The following BLTP1 variants were observed in gnomAD, a reference collection of about 807,000 sequenced individuals.
BLTP1 encodes the protein fragile site-associated protein.
the BLTP1 span, among the ~76,000 whole-genome samples, chr4:122,357,416 A>T: frequency 1.3e-3 from 196 of 152,082 alleles, 1 homozygote; most frequent in African/African-American, 4.6e-3. Flanking sequence ...TACAAAAATT[A>T]GCCAGGTGTG....
chr4:122,303,471 G>T, the BLTP1 span, among the ~76,000 whole-genome samples: 2 of 152,200 alleles, frequency 1.3e-5, no homozygotes, highest in African/African-American at 4.8e-5. Flanking sequence ...CAACTTTCAA[G>T]TGTATGATTT....
chr4:122,262,963 G>A, the BLTP1 span: 15 of 1,613,782 alleles, frequency 9.3e-6, no homozygotes, highest in Middle Eastern at 1.7e-4. Flanking sequence ...GCTGTGAAAA[G>A]TAGCTCCCTA....
chr4:122,247,355 C>G, the BLTP1 span: 1 of 1,612,998 alleles, frequency 6.2e-7, no homozygotes, highest in Non-Finnish European at 8.5e-7. Context: ...CTTGATACAA[C>G]AGGTAGGATT....
At chr4:122,359,952 A>G in the BLTP1 span, 3 of 985,250 alleles carry the variant, frequency 3.0e-6, no homozygotes, top group African/African-American at 3.5e-5. Context: ...GAGTTGTCCA[A>G]TGGGTGACAT....
At chr4:122,327,147 T>C in the BLTP1 span, among the ~76,000 whole-genome samples, 1 of 143,448 alleles carries the variant, frequency 7.0e-6, no homozygotes, top group Admixed American at 6.9e-5. Context: ...CCTATTTAAA[T>C]GCAGTGGCCT....
the BLTP1 span, among the ~76,000 whole-genome samples, chr4:122,159,642 C>G: frequency 1.3e-5 from 2 of 152,006 alleles, no homozygotes; most frequent in Non-Finnish European, 2.9e-5. Flanking sequence ...TTGTCAAGTG[C>G]TGTGCTGTGA....
At chr4:122,221,822 C>T in the BLTP1 span, 1 of 984,594 alleles carries the variant, frequency 1.0e-6, no homozygotes, top group Non-Finnish European at 1.2e-6. Flanking sequence ...GGAAAGTCTT[C>T]TATGGATGAG....
At chr4:122,308,231 G>A in the BLTP1 span, 1 of 1,502,134 alleles carries the variant, frequency 6.7e-7, no homozygotes, top group Non-Finnish European at 9.1e-7. Context: ...TAAGTATTTA[G>A]AATATAACAG....
At chr4:122,159,233 G>A in the BLTP1 span, among the ~76,000 whole-genome samples, 4 of 152,154 alleles carry the variant, frequency 2.6e-5, no homozygotes, top group African/African-American at 9.7e-5. Flanking sequence ...GGAGGCCGAG[G>A]CAGGTGGATC....
At chr4:122,187,313 C>T in the BLTP1 span, 20 of 1,480,288 alleles carry the variant, frequency 1.4e-5, 1 homozygote, top group Middle Eastern at 2.1e-4. Context: ...GAAGTAGTCA[C>T]TAGATGTATT....
the BLTP1 span, chr4:122,224,692 G>A: frequency 1.3e-5 from 21 of 1,613,836 alleles, no homozygotes; most frequent in Non-Finnish European, 1.7e-5. Flanking sequence ...GGTTTTCAGA[G>A]TACTATCTCC....
At chr4:122,355,231 T>A in the BLTP1 span, among the ~76,000 whole-genome samples, 1 of 152,140 alleles carries the variant, frequency 6.6e-6, no homozygotes, top group Non-Finnish European at 1.5e-5. Flanking sequence ...CTAATTATTA[T>A]AATTCTAAGA....
chr4:122,334,333 T>C, the BLTP1 span: 5 of 1,513,926 alleles, frequency 3.3e-6, no homozygotes, highest in Non-Finnish European at 9.2e-7. Flanking sequence ...AGTTTATTTA[T>C]TTCAATACAG....
At chr4:122,179,014 C>T in the BLTP1 span, among the ~76,000 whole-genome samples, 3 of 152,276 alleles carry the variant, frequency 2.0e-5, no homozygotes, top group South Asian at 2.1e-4. Context: ...CATGTTGGCT[C>T]ATGCCTGTAA....
chr4:122,207,531 T>C, the BLTP1 span: 1 of 1,548,178 alleles, frequency 6.5e-7, no homozygotes, highest in Non-Finnish European at 8.6e-7. Context: ...TTTTTTTTTT[T>C]CTTTTGTAGT....
At chr4:122,356,077 C>T in the BLTP1 span, 1 of 880,998 alleles carries the variant, frequency 1.1e-6, no homozygotes. Context: ...TTTTGTAATA[C>T]TAATATCTAA....
chr4:122,274,370 C>A, the BLTP1 span: 1 of 1,587,152 alleles, frequency 6.3e-7, no homozygotes, highest in Non-Finnish European at 8.6e-7. Context: ...ATGACTGAGA[C>A]TTGTGCTACT....
the BLTP1 span, among the ~76,000 whole-genome samples, chr4:122,155,565 C>T: frequency 6.6e-6 from 1 of 152,110 alleles, no homozygotes; most frequent in African/African-American, 2.4e-5. Context: ...CTCAAGTGAT[C>T]CACCCGCCTC....
chr4:122,294,199 G>T, the BLTP1 span, among the ~76,000 whole-genome samples: 1 of 152,170 alleles, frequency 6.6e-6, no homozygotes. Context: ...GGAGAGTCCC[G>T]GTGGTCTGGA....
Sources: allele counts gnomAD v4.1 joint callset (sites outside exome capture counted in the v4.1 genomes callset), GRCh38; gene constraint gnomAD v4.1.1; transcripts MANE v1.5; gene names NCBI Gene and HGNC (gene_info 2026-07-23, HGNC 2026-07-21).